Variants in MEF2C observed in about 807,000 individuals in gnomAD.
MEF2C encodes the protein myocyte-specific enhancer factor 2C.
MEF2C carries 6 observed loss-of-function variants against 50.5 expected under a neutral mutation model. The ratio of observed to expected loss-of-function variants is 0.12; its 90% CI spans 0.07 to 0.23. The LOEUF (loss-of-function observed/expected upper bound fraction) is 0.23, where lower values mean the gene tolerates loss of function less well. Among genes scored for constraint, MEF2C ranks in the 10% least tolerant of loss-of-function variants. The pLI, the probability that MEF2C is intolerant of heterozygous loss-of-function variation, is 1.00. For missense variants in MEF2C, 276 were observed against 605.0 expected, an observed-to-expected ratio of 0.46 and a Z score of 5.70; for synonymous variants, 183 against 228.0, an observed-to-expected ratio of 0.80 and a Z score of 1.78.
At chr5:88,762,585 T>TA (rs954753674) in intron 3 of MEF2C, among the ~76,000 whole-genome samples, 52 of 151,788 alleles carry the variant, frequency 3.4e-4, no homozygotes, top group Non-Finnish European at 3.8e-4. Flanking sequence ...TTATTATTAT[T>TA]TTTTTTTACT....
chr5:88,785,276 GCATACA>G (rs1173752461), intron 3 of MEF2C: 8 of 82,148 alleles, frequency 9.7e-5, no homozygotes, highest in African/African-American at 3.2e-4. Context: ...TGCAAAACTG[GCATACA>G]CACACACACA....
At chr5:88,818,633 C>T (rs951502282) in intron 2 of MEF2C, among the ~76,000 whole-genome samples, 2 of 151,938 alleles carry the variant, frequency 1.3e-5, no homozygotes. Context: ...AAATCCTCTG[C>T]AAACGTCCTG....
intron 1 of MEF2C, among the ~76,000 whole-genome samples, chr5:88,833,516 C>CG (rs1335989188): frequency 7.2e-5 from 11 of 152,012 alleles, no homozygotes; most frequent in African/African-American, 2.7e-4. Flanking sequence ...TAGTGACGTG[C>CG]GGATGTTTGT....
At chr5:88,812,864 G>A (rs1421486679) in intron 2 of MEF2C, among the ~76,000 whole-genome samples, 1 of 151,974 alleles carries the variant, frequency 6.6e-6, no homozygotes, top group Admixed American at 6.6e-5. Context: ...GGATTTTAGG[G>A]GCTGAAGTTC....
chr5:88,725,051 G>C (rs570105932), intron 10 of MEF2C, among the ~76,000 whole-genome samples: 2 of 152,050 alleles, frequency 1.3e-5, no homozygotes, highest in African/African-American at 4.8e-5. Flanking sequence ...AGTTAATCTA[G>C]ACAAGGTAAG....
At chr5:88,852,150 T>G (rs1285412398) in intron 1 of MEF2C, among the ~76,000 whole-genome samples, 1 of 152,198 alleles carries the variant, frequency 6.6e-6, no homozygotes, top group Non-Finnish European at 1.5e-5. Context: ...AACTGTATGT[T>G]GAACTGTATG....
At chr5:88,739,468 T>A (rs929406393) in intron 6 of MEF2C, 1 of 963,526 alleles carries the variant, frequency 1.0e-6, no homozygotes, top group Non-Finnish European at 1.2e-6. Context: ...GTTTTAAGAT[T>A]AAAAGTTAGT....
At chr5:88,902,032 AAACTT>A (rs1835714607) in intron 1 of MEF2C, among the ~76,000 whole-genome samples, 1 of 151,710 alleles carries the variant, frequency 6.6e-6, no homozygotes, top group Non-Finnish European at 1.5e-5. Context: ...ATGCATGTGA[AAACTT>A]AACAAATACA....
At chr5:88,766,937 T>A in intron 3 of MEF2C, 1 of 382,340 alleles carries the variant, frequency 2.6e-6, no homozygotes, top group Non-Finnish European at 3.6e-6. Context: ...GTATCTACTC[T>A]TAACAAGCTG....
At position 88,850,881 on chromosome 5, in the gene MEF2C, T is replaced by C. The variant is rs144173240; in HGVS notation, c.-142-26951A>G. On this transcript the variant is annotated intron_variant, in intron 1 of 10. Coordinates refer to ENST00000504921, the MANE Select transcript of MEF2C (RefSeq NM_002397.5). Reference sequence around the variant, plus strand: ...GAGACAGCAAGACCAACCCCTCTCTTCGTCGTCTTCATCAGCCTACTCAAT... The same window carrying C: ...GAGACAGCAAGACCAACCCCTCTCTCCGTCGTCTTCATCAGCCTACTCAAT... 6.4e-3 allele frequency among the ~76,000 whole-genome samples: 977 copies of C among 152,128 alleles called. 8 individuals carry two copies. The highest frequency in any genetic ancestry group is 0.011 in the Non-Finnish European group (734 of 67,958).
chr5:88,826,513 C>A (rs1478829268), intron 1 of MEF2C, among the ~76,000 whole-genome samples: 1 of 151,876 alleles, frequency 6.6e-6, no homozygotes, highest in Non-Finnish European at 1.5e-5. Flanking sequence ...TATGGGTCAC[C>A]ACATTTCAAG....
rs529496533 is a variant in MEF2C, at chr5:88,771,518, T to C, written c.259-10190A>G. The C allele has an allele frequency of 1.8e-5, 18 of 985,360 alleles. No individual in the cohort carries two copies. In the East Asian group the frequency reaches 1.1e-3, roughly 62 times the overall value. The allele number at this position is 985,360 out of a possible 1,614,324, so 61.0% of individuals were successfully genotyped here. ...CCTCTTTTTTATATGTGGTATGTTA[T>C]ACTGTAATTTATTTTTTAACATGTC... On this transcript the variant is annotated intron_variant, in intron 3 of 10. Coordinates refer to ENST00000504921, the MANE Select transcript of MEF2C (RefSeq NM_002397.5).
At chr5:88,740,921 T>A (rs1766409741) in intron 6 of MEF2C, 1 of 985,312 alleles carries the variant, frequency 1.0e-6, no homozygotes, top group Non-Finnish European at 1.2e-6. Flanking sequence ...CAGTCATTTT[T>A]ATAAACAAAA....
chr5:88,793,963 A>C (rs1038228643), intron 3 of MEF2C, among the ~76,000 whole-genome samples: 8 of 152,254 alleles, frequency 5.3e-5, no homozygotes, highest in African/African-American at 1.7e-4. Context: ...GTCCCTGCAA[A>C]GGACATGAAC....
At chr5:88,892,955 G>A (rs971285593) in intron 1 of MEF2C, among the ~76,000 whole-genome samples, 3 of 152,162 alleles carry the variant, frequency 2.0e-5, no homozygotes, top group Admixed American at 1.3e-4. Flanking sequence ...CTAATGGAGC[G>A]TTCTGTTCAA....
chr5:88,793,120 T>C (rs936356291), intron 3 of MEF2C, among the ~76,000 whole-genome samples: 4 of 152,100 alleles, frequency 2.6e-5, no homozygotes, highest in African/African-American at 9.7e-5. Context: ...ATGGGAAAGA[T>C]AGAACACATG....
intron 1 of MEF2C, among the ~76,000 whole-genome samples, chr5:88,838,319 G>A (rs914319361): frequency 4.0e-5 from 6 of 151,340 alleles, no homozygotes; most frequent in African/African-American, 1.5e-4. Flanking sequence ...TAGAATGTAA[G>A]TTAGATATTT....
chr5:88,740,833 ACTT>A (rs1307268147), intron 6 of MEF2C: 3 of 985,264 alleles, frequency 3.0e-6, no homozygotes, highest in Non-Finnish European at 3.6e-6. Context: ...TTAATTGTTC[ACTT>A]CTTGAGATTT....
At chr5:88,770,557 C>T (rs1781938032) in intron 3 of MEF2C, among the ~76,000 whole-genome samples, 1 of 152,170 alleles carries the variant, frequency 6.6e-6, no homozygotes, top group South Asian at 2.1e-4. Context: ...CATTTCTTTT[C>T]CCATTTATTT....
Sources: allele counts gnomAD v4.1 joint callset (sites outside exome capture counted in the v4.1 genomes callset), GRCh38; gene constraint gnomAD v4.1.1; transcripts MANE v1.5; gene names NCBI Gene and HGNC (gene_info 2026-07-23, HGNC 2026-07-21).